Variants in UTRN observed in about 807,000 individuals in gnomAD.
The protein encoded by UTRN is dystrophin-related protein 1.
Under a neutral mutation model 463.9 loss-of-function variants are expected in UTRN, and 283 were observed. That is an observed-to-expected ratio of 0.61 (90% confidence interval 0.55 to 0.67). The LOEUF (loss-of-function observed/expected upper bound fraction) is 0.67. UTRN is among the 30% of genes least tolerant of loss of function. UTRN has a pLI of 0.00. For synonymous variants in UTRN, 1,442 were observed against 1,431.5 expected (o/e 1.01, Z -0.17); for missense variants, 3,922 against 4,084.3 (o/e 0.96, Z 1.08).
intron 2 of UTRN, among the ~76,000 whole-genome samples, chr6:144,348,213 T>C (rs1777775206): frequency 6.6e-6 from 1 of 152,102 alleles, no homozygotes; most frequent in South Asian, 2.1e-4. Context: ...ACCACACTCA[T>C]CTATTCAGTC....
At chr6:144,746,915 G>C (rs1353748497) in intron 54 of UTRN, among the ~76,000 whole-genome samples, 1 of 152,216 alleles carries the variant, frequency 6.6e-6, no homozygotes, top group Non-Finnish European at 1.5e-5. Flanking sequence ...CACTTAAGCA[G>C]CACAACTTGT....
intron 58 of UTRN, among the ~76,000 whole-genome samples, chr6:144,768,195 A>T (rs913267874): frequency 6.6e-6 from 1 of 152,156 alleles, no homozygotes; most frequent in Admixed American, 6.5e-5. Flanking sequence ...TTGGTGCTAC[A>T]GTCTTATATT....
At chr6:144,325,980 T>A (rs1376762456) in intron 2 of UTRN, among the ~76,000 whole-genome samples, 3 of 152,134 alleles carry the variant, frequency 2.0e-5, no homozygotes, top group Non-Finnish European at 4.4e-5. Flanking sequence ...ATAAAAGTGA[T>A]AAGTAAAAAA....
At chr6:144,313,373 A>G (rs1345017724) in intron 2 of UTRN, among the ~76,000 whole-genome samples, 2 of 151,942 alleles carry the variant, frequency 1.3e-5, no homozygotes, top group Non-Finnish European at 2.9e-5. Context: ...AAAAAAGAAA[A>G]GAAAATAGAA....
chr6:144,638,052 C>G (rs1562690405), intron 51 of UTRN, among the ~76,000 whole-genome samples: 1 of 152,150 alleles, frequency 6.6e-6, no homozygotes, highest in Non-Finnish European at 1.5e-5. Context: ...TGTTTGGTAG[C>G]TCTAGATATC....
chr6:144,713,339 C>T (rs1785945375), intron 53 of UTRN, among the ~76,000 whole-genome samples: 1 of 152,098 alleles, frequency 6.6e-6, no homozygotes, highest in Non-Finnish European at 1.5e-5. Context: ...GGTGCAGTGG[C>T]TCATGCCTGT....
intron 1 of UTRN, among the ~76,000 whole-genome samples, chr6:144,290,534 G>A (rs531401897): frequency 1.4e-4 from 22 of 152,244 alleles, no homozygotes; most frequent in East Asian, 1.2e-3. Flanking sequence ...CCCCATGATT[G>A]GTTATGTGAA....
chr6:144,533,020 G>T, intron 42 of UTRN, 65 bp from the exon 43 acceptor site: 1 of 828,626 alleles, frequency 1.2e-6, no homozygotes, highest in Non-Finnish European at 2.0e-6. Context: ...ATACTTGGGT[G>T]GATTCATTGC....
intron 2 of UTRN, among the ~76,000 whole-genome samples, chr6:144,294,018 C>T (rs2114514728): frequency 6.6e-6 from 1 of 151,290 alleles, no homozygotes; most frequent in East Asian, 1.9e-4. Flanking sequence ...GTGAAGTATA[C>T]AATAAATGTT....
intron 19 of UTRN, 27 bp from the exon 20 acceptor site, chr6:144,458,743 G>C: frequency 6.4e-7 from 1 of 1,555,314 alleles, no homozygotes; most frequent in Non-Finnish European, 8.6e-7. Context: ...TATATAGACT[G>C]TTTGCTTGTT....
At chr6:144,802,805 T>G (rs985714705) in intron 64 of UTRN, among the ~76,000 whole-genome samples, 3 of 152,176 alleles carry the variant, frequency 2.0e-5, no homozygotes, top group Non-Finnish European at 4.4e-5. Flanking sequence ...ATAGATATAA[T>G]TCTTTTCTTG....
chr6:144,811,501 A>C (rs1778609310), intron 65 of UTRN, among the ~76,000 whole-genome samples: 2 of 152,096 alleles, frequency 1.3e-5, no homozygotes, highest in Non-Finnish European at 2.9e-5. Flanking sequence ...TTAGCTTTTA[A>C]GGTGAGGTTT....
chr6:144,449,211 C>CT (rs1283287335), intron 17 of UTRN, among the ~76,000 whole-genome samples: 1 of 152,152 alleles, frequency 6.6e-6, no homozygotes, highest in African/African-American at 2.4e-5. Context: ...GTTTCCAGAC[C>CT]CTTTTATATC....
intron 46 of UTRN, among the ~76,000 whole-genome samples, chr6:144,546,815 AAAAC>A (rs140082062): frequency 0.065 from 9,923 of 151,932 alleles, 835 homozygotes; most frequent in African/African-American, 0.19. Context: ...TCTCAAAGAA[AAAAC>A]AAACAAACAA....
At chr6:144,575,790 G>A (rs1801380173) in intron 50 of UTRN, among the ~76,000 whole-genome samples, 1 of 152,108 alleles carries the variant, frequency 6.6e-6, no homozygotes, top group Non-Finnish European at 1.5e-5. Flanking sequence ...AGGGACTGCT[G>A]TATCACAAAA....
chr6:144,376,798 C>T (rs1162856216), intron 2 of UTRN, among the ~76,000 whole-genome samples: 2 of 151,952 alleles, frequency 1.3e-5, no homozygotes, highest in Non-Finnish European at 2.9e-5. Context: ...AATTCTTTTA[C>T]CAAGATTTCA....
intron 2 of UTRN, among the ~76,000 whole-genome samples, chr6:144,394,147 T>C (rs1782187053): frequency 6.6e-6 from 1 of 152,346 alleles, no homozygotes; most frequent in African/African-American, 2.4e-5. Context: ...ATGTCATCAT[T>C]GGCTTTTACA....
At chr6:144,416,295 A>G (rs1784360155) in intron 3 of UTRN, among the ~76,000 whole-genome samples, 1 of 152,134 alleles carries the variant, frequency 6.6e-6, no homozygotes, top group South Asian at 2.1e-4. Context: ...ATAAATTCAG[A>G]TTTCCACCTT....
chr6:144,406,880 C>T (rs1378257987), intron 3 of UTRN, among the ~76,000 whole-genome samples: 1 of 152,102 alleles, frequency 6.6e-6, no homozygotes, highest in Non-Finnish European at 1.5e-5. Context: ...CAATTTACTC[C>T]TAATTTTATT....
Sources: allele counts gnomAD v4.1 joint callset (sites outside exome capture counted in the v4.1 genomes callset), GRCh38; gene constraint gnomAD v4.1.1; transcripts MANE v1.5; gene names NCBI Gene and HGNC (gene_info 2026-07-23, HGNC 2026-07-21).